Variants in MECOM observed in about 807,000 individuals in gnomAD.
MECOM encodes MDS1 and EVI1 complex locus, also known as histone-lysine N-methyltransferase MECOM.
Under a neutral mutation model 116.3 loss-of-function variants are expected in MECOM, and 13 were observed. The observed-to-expected ratio is 0.11, with a 90% CI of 0.07 to 0.18. The LOEUF (loss-of-function observed/expected upper bound fraction) is 0.18. Among genes scored for constraint, MECOM ranks in the 10% least tolerant of loss-of-function variants. The probability of loss-of-function intolerance (pLI) is 1.00; values close to 1 mark genes in which losing one functional copy is unlikely to be tolerated. For missense variants in MECOM, 1,299 were observed against 1,509.0 expected (o/e 0.86, Z 2.31); for synonymous variants, 528 against 535.2 (o/e 0.99, Z 0.19).
intron 2 of MECOM, among the ~76,000 whole-genome samples, chr3:169,221,738 T>C (rs957467226): frequency 6.6e-6 from 1 of 151,982 alleles, no homozygotes; most frequent in Admixed American, 6.6e-5. Flanking sequence ...AGAAAAAAAA[T>C]CACTTAAATT....
intron 1 of MECOM, among the ~76,000 whole-genome samples, chr3:169,525,159 C>G (rs1451651658): frequency 2.0e-5 from 3 of 152,142 alleles, no homozygotes; most frequent in African/African-American, 7.2e-5. Flanking sequence ...TTTTTAGAAG[C>G]TGTGCAATGA....
chr3:169,334,884 T>C (rs1723342576), intron 2 of MECOM, among the ~76,000 whole-genome samples: 1 of 152,156 alleles, frequency 6.6e-6, no homozygotes, highest in African/African-American at 2.4e-5. Flanking sequence ...ATGGGGTCTA[T>C]CTTTGGAATT....
chr3:169,570,937 G>A (rs1338372213), intron 1 of MECOM, among the ~76,000 whole-genome samples: 3 of 152,156 alleles, frequency 2.0e-5, no homozygotes, highest in African/African-American at 2.4e-5. Context: ...ACAAGACAAG[G>A]ATGCCCTCTC....
At chr3:169,200,962 T>G (rs956034263) in intron 2 of MECOM, among the ~76,000 whole-genome samples, 20 of 152,094 alleles carry the variant, frequency 1.3e-4, no homozygotes, top group Admixed American at 4.6e-4. Context: ...AAGACTCCCC[T>G]ATCTAACCTT....
chr3:169,151,379 T>C (rs1335630921), intron 2 of MECOM, among the ~76,000 whole-genome samples: 1 of 152,240 alleles, frequency 6.6e-6, no homozygotes, highest in Non-Finnish European at 1.5e-5. Flanking sequence ...CATTATGTTT[T>C]TAGTTTATAG....
At chr3:169,585,896 G>A (rs1165778146) in intron 1 of MECOM, among the ~76,000 whole-genome samples, 1 of 152,170 alleles carries the variant, frequency 6.6e-6, no homozygotes, top group African/African-American at 2.4e-5. Flanking sequence ...AGAAAAAAAT[G>A]TTAAGAACAT....
At chr3:169,206,371 T>C (rs1749916687) in intron 2 of MECOM, among the ~76,000 whole-genome samples, 1 of 152,090 alleles carries the variant, frequency 6.6e-6, no homozygotes, top group South Asian at 2.1e-4. Flanking sequence ...TCCCAAAAGG[T>C]ATAGTGTTTT....
rs944894117 is a variant in MECOM, at chr3:169,435,222, G to A, written c.38-53698C>T. ...AGTTATTTGTGTTTGGATTTCCTTCGCCACAGCTTCCTTAACTAGCTCCTG... is the reference window on the plus strand; with the variant it reads ...AGTTATTTGTGTTTGGATTTCCTTCACCACAGCTTCCTTAACTAGCTCCTG... On this transcript the variant is annotated intron_variant, in intron 1 of 16. Coordinates refer to ENST00000651503, the MANE Select transcript of MECOM (RefSeq NM_004991.4). Among the ~76,000 whole-genome samples the A allele has an allele frequency of 9.2e-5, 14 of 152,120 alleles. No individual in the cohort carries two copies. The East Asian group carries it at 2.1e-3, about 23-fold the overall frequency.
At chr3:169,247,369 G>A (rs992623690) in intron 2 of MECOM, among the ~76,000 whole-genome samples, 6 of 151,464 alleles carry the variant, frequency 4.0e-5, no homozygotes, top group African/African-American at 1.2e-4. Context: ...GTAATGGCAC[G>A]ATATCAGCTC....
rs372248444 is a variant in MECOM at position 169,144,963 on chromosome 3, A to G, written c.376-1131T>C. On this transcript the variant is annotated intron_variant, in intron 2 of 16. Transcript: ENST00000651503. ...AGCAATTTTGCATAGAATTCAGGCA[A>G]TCACCCAATTGCAGATTCAAGTCAT... The G allele has an allele frequency of 7.2e-6, 11 of 1,536,532 alleles. No homozygotes were observed. The African/African-American group carries it at 8.2e-5, about 11-fold the overall frequency.
chr3:169,472,547 GGAAAA>G (rs1167709538), intron 1 of MECOM, among the ~76,000 whole-genome samples: 1 of 63,436 alleles, frequency 1.6e-5, no homozygotes, highest in East Asian at 4.2e-4. Context: ...GGAAAGGAAA[GGAAAA>G]GAAAAGAGAG....
At chr3:169,272,009 G>T (rs747141818) in intron 2 of MECOM, among the ~76,000 whole-genome samples, 2 of 152,220 alleles carry the variant, frequency 1.3e-5, no homozygotes, top group East Asian at 1.9e-4. Context: ...TTAACCCAGC[G>T]TTCCTCAGAG....
chr3:169,514,440 G>A (rs1333818790), intron 1 of MECOM, among the ~76,000 whole-genome samples: 1 of 152,154 alleles, frequency 6.6e-6, no homozygotes, highest in Non-Finnish European at 1.5e-5. Context: ...ATAAGGAGTT[G>A]GAAGCATGTG....
At position 169,102,202 on chromosome 3, in the gene MECOM, C is replaced by T. The variant is rs1406202724; in HGVS notation, c.2629G>A (p.Glu877Lys). ...TWMSAIENMA[E>K]KLESFSALKP... ...AGGGCACTGAAGCTCTCTAGCTTTT[C>T]TGCCATGTTTTCAATAGCTGACATC... Residue 877 changes from glutamate to lysine, a missense_variant, in exon 11 of 17, where the codon GAA becomes AAA. Physicochemically the swap from Glu to Lys is moderately conservative, Grantham distance 56. This residue lies in a region of MECOM where 340 missense variants were observed against 312.6 expected (regional missense o/e 1.09). Transcript: ENST00000651503. 6.2e-7 allele frequency: 1 copy of T among 1,613,158 alleles called. No individual in the cohort carries two copies.
At chr3:169,158,635 G>A (rs1307465380) in intron 2 of MECOM, among the ~76,000 whole-genome samples, 1 of 152,116 alleles carries the variant, frequency 6.6e-6, no homozygotes, top group Admixed American at 6.5e-5. Context: ...GTGCTCGGCC[G>A]AAGCCACGGT....
chr3:169,407,650 C>T (rs952054076), intron 1 of MECOM, among the ~76,000 whole-genome samples: 1 of 152,200 alleles, frequency 6.6e-6, no homozygotes, highest in Admixed American at 6.5e-5. Context: ...TACTTCCTCA[C>T]ACATAATCCA....
intron 2 of MECOM, among the ~76,000 whole-genome samples, chr3:169,215,169 C>G (rs554750750): frequency 1.3e-5 from 2 of 149,392 alleles, no homozygotes; most frequent in South Asian, 4.2e-4. Flanking sequence ...GAACAAAACA[C>G]TAATGTGAAA....
At chr3:169,103,997 C>A (rs116803241) in intron 10 of MECOM, among the ~76,000 whole-genome samples, 1 of 152,088 alleles carries the variant, frequency 6.6e-6, no homozygotes, top group Non-Finnish European at 1.5e-5. Flanking sequence ...TCATCAAACA[C>A]GGTACAAAAA....
intron 1 of MECOM, among the ~76,000 whole-genome samples, chr3:169,474,721 T>TA (rs1389750942): frequency 6.6e-6 from 1 of 152,138 alleles, no homozygotes; most frequent in Non-Finnish European, 1.5e-5. Context: ...CTGAGTTTTT[T>TA]ATGCTCTCTG....
Sources: gnomAD v4.1 joint callset for allele counts (sites outside exome capture counted in the v4.1 genomes callset) on GRCh38, gnomAD v4.1.1 for gene constraint, gnomAD v4.1.1 regional missense constraint, MANE v1.5 for transcripts, NCBI Gene and HGNC (gene_info 2026-07-23, HGNC 2026-07-21) for gene names.